The following TSHZ2 variants were observed in gnomAD, a reference collection of about 807,000 sequenced individuals.
TSHZ2 encodes teashirt homolog 2.
TSHZ2 carries 21 observed loss-of-function variants against 74.4 expected under a neutral mutation model. That is an observed-to-expected ratio of 0.28 (90% confidence interval 0.20 to 0.41). The LOEUF (loss-of-function observed/expected upper bound fraction) is 0.41, where lower values mean the gene tolerates loss of function less well. TSHZ2 is among the 10% of genes least tolerant of loss of function. The pLI is 1.00. For missense variants in TSHZ2, 1,244 were observed against 1,293.5 expected (o/e 0.96, Z 0.59); for synonymous variants, 540 against 515.3 (o/e 1.05, Z -0.65).
chr20:53,309,949 A>G (rs901848062), intron 2 of TSHZ2, among the ~76,000 whole-genome samples: 4 of 152,246 alleles, frequency 2.6e-5, no homozygotes, highest in Admixed American at 1.3e-4. Context: ...GGACATTCCC[A>G]GTGGAAGTGA....
At chr20:53,221,682 A>G (rs1989561525) in intron 1 of TSHZ2, among the ~76,000 whole-genome samples, 1 of 152,222 alleles carries the variant, frequency 6.6e-6, no homozygotes, top group Non-Finnish European at 1.5e-5. Context: ...AAGTATACTC[A>G]TAATCACTTG....
At chr20:53,200,167 T>C (rs889040898) in intron 1 of TSHZ2, among the ~76,000 whole-genome samples, 3 of 152,162 alleles carry the variant, frequency 2.0e-5, no homozygotes, top group African/African-American at 7.2e-5. Flanking sequence ...GAGCTGCTTC[T>C]TGTGGGCGGG....
chr20:53,313,174 T>C (rs1017667593), intron 2 of TSHZ2, among the ~76,000 whole-genome samples: 6 of 152,244 alleles, frequency 3.9e-5, no homozygotes, highest in African/African-American at 1.4e-4. Flanking sequence ...TTGGAATACA[T>C]GCTGAACATT....
intron 1 of TSHZ2, among the ~76,000 whole-genome samples, chr20:53,211,084 T>C (rs1280579127): frequency 1.3e-5 from 2 of 152,236 alleles, no homozygotes; most frequent in African/African-American, 2.4e-5. Context: ...GTAGTATTTA[T>C]TGAGTGATTT....
At chr20:53,056,820 C>A (rs991689852) in intron 1 of TSHZ2, among the ~76,000 whole-genome samples, 4 of 152,224 alleles carry the variant, frequency 2.6e-5, no homozygotes, top group African/African-American at 9.6e-5. Flanking sequence ...CTGAACTCTT[C>A]TGTGACTTAG....
chr20:53,064,734 T>A (rs1984925640), intron 1 of TSHZ2, among the ~76,000 whole-genome samples: 4 of 151,846 alleles, frequency 2.6e-5, no homozygotes, highest in Admixed American at 2.0e-4. Flanking sequence ...TTCTCGTCAG[T>A]TTTATGCCCA....
chr20:53,094,340 A>T (rs1485365262), intron 1 of TSHZ2, among the ~76,000 whole-genome samples: 1 of 152,216 alleles, frequency 6.6e-6, no homozygotes, highest in Non-Finnish European at 1.5e-5. Context: ...ATTTTAAAAA[A>T]TGATTTACTT....
At chr20:53,458,105 T>TATTG (rs1387890182) in intron 2 of TSHZ2, among the ~76,000 whole-genome samples, 1 of 152,022 alleles carries the variant, frequency 6.6e-6, no homozygotes, top group Non-Finnish European at 1.5e-5. Flanking sequence ...CCTGTTTTTC[T>TATTG]ATTGATTGGA....
chr20:53,155,715 A>T (rs1987779073), intron 1 of TSHZ2, among the ~76,000 whole-genome samples: 1 of 151,630 alleles, frequency 6.6e-6, no homozygotes, highest in African/African-American at 2.4e-5. Context: ...AGGTTTTAAA[A>T]CCCCGCTTAC....
At chr20:53,263,472 C>A (rs1169594534) in intron 2 of TSHZ2, among the ~76,000 whole-genome samples, 3 of 152,218 alleles carry the variant, frequency 2.0e-5, no homozygotes, top group African/African-American at 7.2e-5. Flanking sequence ...AGCTAGGAGG[C>A]CTTGCACAGC....
At chr20:53,371,855 A>G (rs1421691184) in intron 2 of TSHZ2, among the ~76,000 whole-genome samples, 2 of 149,736 alleles carry the variant, frequency 1.3e-5, no homozygotes, top group African/African-American at 5.0e-5. Flanking sequence ...AATCTGGACT[A>G]CAGAGAGAGA....
At chr20:53,021,705 A>G (rs767038439) in intron 1 of TSHZ2, among the ~76,000 whole-genome samples, 7 of 152,218 alleles carry the variant, frequency 4.6e-5, no homozygotes, top group African/African-American at 7.2e-5. Context: ...ATATATTCTT[A>G]GGAAGGACTT....
chr20:53,028,751 G>A (rs972649259), intron 1 of TSHZ2, among the ~76,000 whole-genome samples: 1 of 152,140 alleles, frequency 6.6e-6, no homozygotes, highest in Admixed American at 6.6e-5. Context: ...GAAGGACTTG[G>A]TGGTGAGTGA....
chr20:53,167,042 T>C (rs1988079821), intron 1 of TSHZ2, among the ~76,000 whole-genome samples: 1 of 152,170 alleles, frequency 6.6e-6, no homozygotes, highest in Non-Finnish European at 1.5e-5. Context: ...GTCCCAGTCA[T>C]GACAAAAATC....
intron 1 of TSHZ2, among the ~76,000 whole-genome samples, chr20:53,209,364 G>A (rs1989247440): frequency 6.6e-6 from 1 of 152,184 alleles, no homozygotes; most frequent in African/African-American, 2.4e-5. Flanking sequence ...TGGGATTACA[G>A]GCATGAGCCA....
intron 2 of TSHZ2, among the ~76,000 whole-genome samples, chr20:53,339,367 C>T (rs1221606873): frequency 6.6e-6 from 1 of 152,110 alleles, no homozygotes; most frequent in African/African-American, 2.4e-5. Flanking sequence ...GCCTCAAGCT[C>T]TCATAGTATT....
chr20:53,155,255 G>A (rs1477984881), intron 1 of TSHZ2, among the ~76,000 whole-genome samples: 1 of 151,932 alleles, frequency 6.6e-6, no homozygotes, highest in Admixed American at 6.5e-5. Flanking sequence ...TACCCCAGTA[G>A]GTAATAGGGG....
At position 53,253,586 on chromosome 20, in the gene TSHZ2, A is replaced by G; in HGVS notation, c.128A>G (p.Gln43Arg). Residue 43 changes from glutamine to arginine, a missense_variant, in exon 2 of 3, where the codon CAG (glutamine) becomes CGG (arginine). Coordinates refer to ENST00000371497, the MANE Select transcript of TSHZ2 (RefSeq NM_173485.6). ...GACAGCGGTTCAGTAGCTCAACTGC[A>G]GGGTGGCAATGACACAGGGACGGAC... ...EEDSGSVAQLQGGNDTGTDEE... is the reference protein window; with the variant it reads ...EEDSGSVAQLRGGNDTGTDEE... 6.2e-7 allele frequency: 1 copy of G among 1,614,154 alleles called. No homozygotes were observed. Among genetic ancestry groups the G allele is most frequent in the Non-Finnish European group, 8.5e-7 (1 of 1,180,018 alleles).
At chr20:53,435,683 T>A (rs1253709312) in intron 2 of TSHZ2, among the ~76,000 whole-genome samples, 1 of 152,080 alleles carries the variant, frequency 6.6e-6, no homozygotes, top group Non-Finnish European at 1.5e-5. Flanking sequence ...CTGGCTAATT[T>A]TTTGTATTTT....
Sources: gnomAD v4.1 joint callset for allele counts (sites outside exome capture counted in the v4.1 genomes callset) on GRCh38, gnomAD v4.1.1 for gene constraint, MANE v1.5 for transcripts, NCBI Gene and HGNC (gene_info 2026-07-23, HGNC 2026-07-21) for gene names.